The following EIF4G3 variants were observed in gnomAD, a reference collection of about 807,000 sequenced individuals.
The protein encoded by EIF4G3 is eIF-4-gamma 3.
A neutral mutation model predicts 186.4 loss-of-function variants in EIF4G3; 34 were observed. That is an observed-to-expected ratio of 0.18 (90% CI 0.14 to 0.24). The LOEUF (loss-of-function observed/expected upper bound fraction) is 0.24. EIF4G3 is among the 10% of genes least tolerant of loss of function. The probability of loss-of-function intolerance (pLI) is 1.00; values close to 1 mark genes in which losing one functional copy is unlikely to be tolerated. For synonymous variants in EIF4G3, 673 were observed against 679.5 expected (o/e 0.99, Z 0.15); for missense variants, 1,536 against 1,948.5 (o/e 0.79, Z 3.99).
chr1:21,057,760 T>A (rs561629023), intron 3 of EIF4G3, among the ~76,000 whole-genome samples: 14 of 152,122 alleles, frequency 9.2e-5, no homozygotes, highest in South Asian at 8.3e-4. Context: ...ATCACTTACA[T>A]TGGTATTATA....
chr1:20,867,262 C>A (rs1313884578), intron 20 of EIF4G3, among the ~76,000 whole-genome samples: 1 of 152,162 alleles, frequency 6.6e-6, no homozygotes, highest in Non-Finnish European at 1.5e-5. Flanking sequence ...TAACTGAAAT[C>A]GAAAGAGTGC....
intron 14 of EIF4G3, among the ~76,000 whole-genome samples, chr1:20,914,146 T>TA (rs1329699387): frequency 1.3e-5 from 2 of 151,918 alleles, no homozygotes; most frequent in African/African-American, 4.8e-5. Flanking sequence ...GTTAGTGATG[T>TA]AAATTTCCAT....
chr1:21,143,885 G>A (rs765975999), intron 2 of EIF4G3, among the ~76,000 whole-genome samples: 6 of 152,046 alleles, frequency 3.9e-5, no homozygotes, highest in African/African-American at 7.2e-5. Context: ...TCATGCCACC[G>A]CACTCCAGCC....
chr1:20,925,731 T>G (rs2094839237), intron 14 of EIF4G3, among the ~76,000 whole-genome samples: 1 of 152,204 alleles, frequency 6.6e-6, no homozygotes, highest in African/African-American at 2.4e-5. Flanking sequence ...AAAGGGTCTC[T>G]CTGTTGCCAA....
At chr1:21,124,149 G>C (rs751711466) in intron 2 of EIF4G3, among the ~76,000 whole-genome samples, 1 of 152,092 alleles carries the variant, frequency 6.6e-6, no homozygotes, top group South Asian at 2.1e-4. Context: ...AAATTAGCCA[G>C]CTGTGGTCGT....
intron 18 of EIF4G3, among the ~76,000 whole-genome samples, chr1:20,888,056 T>G (rs1249589376): frequency 6.6e-6 from 1 of 152,156 alleles, no homozygotes; most frequent in Non-Finnish European, 1.5e-5. Flanking sequence ...TCAAAACCAA[T>G]TAAGAGCCAT....
chr1:20,912,274 C>G lies in EIF4G3; in HGVS notation c.1664-7303G>C, dbSNP rs143989787. Among the ~76,000 whole-genome samples, 407 of 152,302 alleles carry G rather than the reference C, an allele frequency of 2.7e-3. 4 individuals are homozygous for G. Among genetic ancestry groups the G allele is most frequent in the African/African-American group, 7.9e-3 (329 of 41,550 alleles). ...CCTGGGTGAAAGAGTGAGACTTGGT[C>G]TCAAGATAAAATTTTTAAAAAATTA... On this transcript the variant is annotated intron_variant, in intron 14 of 36. Transcript: ENST00000602326.
intron 12 of EIF4G3, among the ~76,000 whole-genome samples, chr1:20,953,819 A>G (rs1464460282): frequency 2.0e-5 from 3 of 152,222 alleles, no homozygotes; most frequent in Non-Finnish European, 4.4e-5. Flanking sequence ...GGTGGGGAAA[A>G]CAAGAGACAA....
At chr1:20,906,797 TA>T (rs199776799) in intron 14 of EIF4G3, among the ~76,000 whole-genome samples, 1 of 141,908 alleles carries the variant, frequency 7.0e-6, no homozygotes, top group African/African-American at 2.5e-5. Context: ...ACTTAGTCCT[TA>T]AAAAAAACTG....
intron 2 of EIF4G3, among the ~76,000 whole-genome samples, chr1:21,138,785 T>G (rs1272791070): frequency 1.3e-5 from 2 of 152,036 alleles, no homozygotes; most frequent in Non-Finnish European, 2.9e-5. Context: ...TACTCCAGCC[T>G]AGGCAACAGA....
At chr1:21,046,352 C>T (rs1166450102) in intron 4 of EIF4G3, among the ~76,000 whole-genome samples, 1 of 152,236 alleles carries the variant, frequency 6.6e-6, no homozygotes, top group Non-Finnish European at 1.5e-5. Flanking sequence ...AAGGGAAATG[C>T]ACATTACGCC....
chr1:21,096,776 T>C (rs1283924136), intron 2 of EIF4G3, among the ~76,000 whole-genome samples: 2 of 152,226 alleles, frequency 1.3e-5, no homozygotes, highest in African/African-American at 4.8e-5. Flanking sequence ...TGCTGGAAGT[T>C]ATACTACTGG....
At chr1:21,131,177 T>C (rs1182124783) in intron 2 of EIF4G3, among the ~76,000 whole-genome samples, 1 of 150,272 alleles carries the variant, frequency 6.7e-6, no homozygotes, top group Non-Finnish European at 1.5e-5. Context: ...GAGATGGAGA[T>C]TGCAGTGAGT....
At chr1:20,808,597 C>T (rs548259312) in intron 36 of EIF4G3, among the ~76,000 whole-genome samples, 35 of 152,184 alleles carry the variant, frequency 2.3e-4, no homozygotes, top group African/African-American at 8.2e-4. Context: ...AGGAGAATGG[C>T]GTGAACCCGG....
At chr1:21,070,641 G>A (rs1034473456) in intron 3 of EIF4G3, among the ~76,000 whole-genome samples, 11 of 152,030 alleles carry the variant, frequency 7.2e-5, no homozygotes, top group African/African-American at 2.4e-4. Context: ...AACATTTTAA[G>A]AGCCAAACAT....
chr1:20,930,332 T>C (rs771127032), intron 14 of EIF4G3, among the ~76,000 whole-genome samples: 11 of 152,224 alleles, frequency 7.2e-5, no homozygotes, highest in African/African-American at 1.4e-4. Flanking sequence ...GTGATACTAT[T>C]TGATAGCATT....
At chr1:20,890,894 T>C (rs2154555489) in intron 18 of EIF4G3, among the ~76,000 whole-genome samples, 1 of 152,362 alleles carries the variant, frequency 6.6e-6, no homozygotes, top group African/African-American at 2.4e-5. Flanking sequence ...ATAACTTGTG[T>C]TAAGGCTTAA....
chr1:21,121,496 C>T (rs927228530), intron 2 of EIF4G3, among the ~76,000 whole-genome samples: 7 of 152,020 alleles, frequency 4.6e-5, no homozygotes, highest in Admixed American at 3.3e-4. Flanking sequence ...ACCACCTAGC[C>T]GGGCACAGTG....
chr1:20,946,441 C>G (rs571919031), intron 13 of EIF4G3, among the ~76,000 whole-genome samples: 1 of 152,114 alleles, frequency 6.6e-6, no homozygotes, highest in African/African-American at 2.4e-5. Flanking sequence ...TCTCTACAAA[C>G]CAATGTGAAG....
Sources: gnomAD v4.1 joint callset for allele counts (sites outside exome capture counted in the v4.1 genomes callset) on GRCh38, gnomAD v4.1.1 for gene constraint, MANE v1.5 for transcripts, NCBI Gene and HGNC (gene_info 2026-07-23, HGNC 2026-07-21) for gene names.